The following SSBP2 variants were observed in gnomAD, a reference collection of about 807,000 sequenced individuals.
SSBP2 encodes single stranded DNA binding protein 2, also known as single-stranded DNA-binding protein 2.
Under a neutral mutation model 61.8 loss-of-function variants are expected in SSBP2, and 17 were observed. The observed-to-expected ratio is 0.28, with a 90% CI of 0.19 to 0.41. The LOEUF (loss-of-function observed/expected upper bound fraction) is 0.41, where lower values mean the gene tolerates loss of function less well. Among genes scored for constraint, SSBP2 ranks in the 10% least tolerant of loss-of-function variants. The probability of loss-of-function intolerance (pLI) is 1.00; values close to 1 mark genes in which losing one functional copy is unlikely to be tolerated. For missense variants in SSBP2, 310 were observed against 458.7 expected (o/e 0.68, Z 2.96); for synonymous variants, 139 against 141.3 (o/e 0.98, Z 0.12).
At chr5:81,549,029 T>C (rs952218100) in intron 4 of SSBP2, among the ~76,000 whole-genome samples, 1 of 152,232 alleles carries the variant, frequency 6.6e-6, no homozygotes, top group Non-Finnish European at 1.5e-5. Flanking sequence ...AGAGCTTAGA[T>C]ACCTAATAAG....
chr5:81,644,297 AAGAC>A (rs1168748545), intron 2 of SSBP2, among the ~76,000 whole-genome samples: 3 of 152,210 alleles, frequency 2.0e-5, no homozygotes, highest in East Asian at 1.9e-4. Context: ...TTGACACAGA[AAGAC>A]AGAAGCCACT....
intron 4 of SSBP2, among the ~76,000 whole-genome samples, chr5:81,586,445 ATAAATTAT>A (rs1242072961): frequency 2.0e-5 from 3 of 152,192 alleles, no homozygotes; most frequent in African/African-American, 7.2e-5. Context: ...GTGAAAGGTA[ATAAATTAT>A]TTCATAATAT....
At chr5:81,420,658 T>C in intron 16 of SSBP2, 125 bp from the exon 17 acceptor site, 1 of 739,040 alleles carries the variant, frequency 1.4e-6, no homozygotes, top group South Asian at 1.7e-5. Context: ...GCTTTTCATC[T>C]CATACAACAT....
intron 5 of SSBP2, among the ~76,000 whole-genome samples, chr5:81,497,389 C>A (rs1767369575): frequency 6.6e-6 from 1 of 152,144 alleles, no homozygotes; most frequent in Non-Finnish European, 1.5e-5. Context: ...GCTTCAGTAG[C>A]TGGCCCATTG....
chr5:81,655,330 T>C (rs1201172956), intron 1 of SSBP2, among the ~76,000 whole-genome samples: 1 of 152,178 alleles, frequency 6.6e-6, no homozygotes, highest in Admixed American at 6.6e-5. Context: ...AGAGTGGCTA[T>C]TTAGCAGAGT....
intron 1 of SSBP2, among the ~76,000 whole-genome samples, chr5:81,652,334 A>C (rs1013963286): frequency 1.3e-5 from 2 of 152,212 alleles, no homozygotes; most frequent in Non-Finnish European, 2.9e-5. Context: ...TACCTAAGAA[A>C]CAAAAAGTTT....
intron 4 of SSBP2, among the ~76,000 whole-genome samples, chr5:81,542,306 T>C (rs1771335168): frequency 1.3e-5 from 2 of 152,172 alleles, no homozygotes; most frequent in Non-Finnish European, 1.5e-5. Flanking sequence ...TGTTATACAC[T>C]GTTAGTGGGA....
At chr5:81,423,754 A>G (rs1761765781) in intron 16 of SSBP2, among the ~76,000 whole-genome samples, 1 of 152,180 alleles carries the variant, frequency 6.6e-6, no homozygotes, top group South Asian at 2.1e-4. Flanking sequence ...CAAAAAAAAA[A>G]AAATTATTCC....
chr5:81,597,429 C>T (rs1445857821), intron 4 of SSBP2, among the ~76,000 whole-genome samples: 1 of 152,152 alleles, frequency 6.6e-6, no homozygotes, highest in Non-Finnish European at 1.5e-5. Context: ...ACTAGTTCAA[C>T]CATTGTGGAA....
chr5:81,429,516 C>G (rs1167464614), intron 15 of SSBP2, among the ~76,000 whole-genome samples: 1 of 152,038 alleles, frequency 6.6e-6, no homozygotes, highest in Non-Finnish European at 1.5e-5. Flanking sequence ...GACTATAAAC[C>G]ATGTTTATAC....
intron 4 of SSBP2, among the ~76,000 whole-genome samples, chr5:81,570,960 T>C (rs1773792386): frequency 6.6e-6 from 1 of 152,188 alleles, no homozygotes; most frequent in Admixed American, 6.5e-5. Context: ...TAAAAGATTT[T>C]TGAAGACAAC....
intron 1 of SSBP2, among the ~76,000 whole-genome samples, chr5:81,690,047 GAT>G (rs2153832511): frequency 6.6e-6 from 1 of 152,014 alleles, no homozygotes; most frequent in African/African-American, 2.4e-5. Context: ...TGGGTTATAA[GAT>G]ATTATTTGCA....
intron 5 of SSBP2, among the ~76,000 whole-genome samples, chr5:81,505,175 C>T (rs1768085988): frequency 6.6e-6 from 1 of 152,146 alleles, no homozygotes; most frequent in Non-Finnish European, 1.5e-5. Flanking sequence ...TGAAGTTTTA[C>T]TGAAACACAG....
At chr5:81,616,121 G>T (rs1312065649) in intron 3 of SSBP2, 1 of 154,152 alleles carries the variant, frequency 6.5e-6, no homozygotes, top group Non-Finnish European at 1.4e-5. Context: ...AATAGGAACA[G>T]CTCCGGTCTA....
intron 6 of SSBP2, 142 bp downstream of exon 6, chr5:81,489,108 G>T: frequency 2.8e-6 from 2 of 718,660 alleles, no homozygotes; most frequent in Non-Finnish European, 4.6e-6. Flanking sequence ...GCTGTAGTTT[G>T]CCAACCCTTG....
chr5:81,679,855 G>A (rs2153811260), intron 1 of SSBP2, among the ~76,000 whole-genome samples: 1 of 151,628 alleles, frequency 6.6e-6, no homozygotes, highest in Non-Finnish European at 1.5e-5. Context: ...GTCTGGGAGA[G>A]ACTTGCATTT....
chr5:81,682,398 A>AT (rs1167509735), intron 1 of SSBP2, among the ~76,000 whole-genome samples: 1 of 152,184 alleles, frequency 6.6e-6, no homozygotes, highest in African/African-American at 2.4e-5. Context: ...ATCAAATAGT[A>AT]TAAGTGGTCA....
At chr5:81,509,925 A>G (rs1768468118) in intron 5 of SSBP2, among the ~76,000 whole-genome samples, 1 of 152,130 alleles carries the variant, frequency 6.6e-6, no homozygotes, top group African/African-American at 2.4e-5. Flanking sequence ...TTCCTTTCTA[A>G]TTCTACTGCC....
intron 5 of SSBP2, among the ~76,000 whole-genome samples, chr5:81,508,059 G>T (rs1768315338): frequency 6.6e-6 from 1 of 152,094 alleles, no homozygotes; most frequent in Admixed American, 6.6e-5. Flanking sequence ...GCATATCGAT[G>T]CTTTTAATAC....
Sources: allele counts gnomAD v4.1 joint callset (sites outside exome capture counted in the v4.1 genomes callset), GRCh38; gene constraint gnomAD v4.1.1; transcripts MANE v1.5; gene names NCBI Gene and HGNC (gene_info 2026-07-23, HGNC 2026-07-21).